The following MACROD2 variants were observed in gnomAD, a reference collection of about 807,000 sequenced individuals.
MACROD2 encodes the protein mono-ADP ribosylhydrolase 2.
In MACROD2, 36 loss-of-function variants were observed where a neutral mutation model predicts 70.4. The ratio of observed to expected loss-of-function variants is 0.51; its 90% CI spans 0.39 to 0.68. MACROD2 has a LOEUF of 0.68. Ranked by LOEUF, MACROD2 falls within the 30% of genes least tolerant of loss-of-function variation. MACROD2 has a pLI of 0.00. For missense variants in MACROD2, 496 were observed against 538.4 expected (o/e 0.92, Z 0.78); for synonymous variants, 172 against 178.8 (o/e 0.96, Z 0.30).
At chr20:15,477,994 G>C (rs1236857673) in intron 7 of MACROD2, among the ~76,000 whole-genome samples, 1 of 152,222 alleles carries the variant, frequency 6.6e-6, no homozygotes, top group Non-Finnish European at 1.5e-5. Context: ...GAAAGCTGGA[G>C]AACACAAGGG....
At chr20:15,055,325 G>A (rs2075475950) in intron 5 of MACROD2, among the ~76,000 whole-genome samples, 1 of 152,134 alleles carries the variant, frequency 6.6e-6, no homozygotes, top group African/African-American at 2.4e-5. Context: ...CAAATCATCA[G>A]GAGTGAGGAT....
intron 8 of MACROD2, among the ~76,000 whole-genome samples, chr20:15,613,079 A>G (rs1052069143): frequency 6.6e-6 from 1 of 152,224 alleles, no homozygotes; most frequent in African/African-American, 2.4e-5. Flanking sequence ...ATCAGGTTAA[A>G]ATGAATATGT....
chr20:14,011,770 C>A (rs1221424223), intron 2 of MACROD2, among the ~76,000 whole-genome samples: 1 of 152,182 alleles, frequency 6.6e-6, no homozygotes, highest in Non-Finnish European at 1.5e-5. Flanking sequence ...ACCTCGTGAT[C>A]TGCCTACCTC....
chr20:15,800,474 G>C (rs774447609), intron 8 of MACROD2, among the ~76,000 whole-genome samples: 2 of 152,262 alleles, frequency 1.3e-5, no homozygotes, highest in Middle Eastern at 6.8e-3. Context: ...AAGAGATAAA[G>C]GTCTAGTTTT....
chr20:14,516,744 C>T (rs2085104472), intron 4 of MACROD2, among the ~76,000 whole-genome samples: 1 of 151,952 alleles, frequency 6.6e-6, no homozygotes, highest in African/African-American at 2.4e-5. Context: ...ATGATGGCTC[C>T]AGCTTTGACA....
chr20:14,207,111 C>T (rs891481401), intron 3 of MACROD2, among the ~76,000 whole-genome samples: 6 of 146,070 alleles, frequency 4.1e-5, no homozygotes, highest in South Asian at 2.2e-4. Context: ...AGAAGGGACA[C>T]TTTTTTTTTT....
intron 3 of MACROD2, among the ~76,000 whole-genome samples, chr20:14,222,488 G>A (rs2081684955): frequency 2.0e-5 from 3 of 152,252 alleles, no homozygotes; most frequent in African/African-American, 7.2e-5. Flanking sequence ...ACTAGGAAGT[G>A]TGAGGGGATG....
chr20:15,768,527 G>A (rs1366828395), intron 8 of MACROD2, among the ~76,000 whole-genome samples: 1 of 152,194 alleles, frequency 6.6e-6, no homozygotes, highest in Non-Finnish European at 1.5e-5. Context: ...TGAGTGGTGA[G>A]TGAATGTGAA....
At chr20:14,833,566 A>T (rs958235733) in intron 5 of MACROD2, among the ~76,000 whole-genome samples, 1 of 152,120 alleles carries the variant, frequency 6.6e-6, no homozygotes, top group African/African-American at 2.4e-5. Context: ...ATAATCCTGA[A>T]GTTTTCAGTT....
chr20:14,122,087 C>T (rs867176305), intron 3 of MACROD2, among the ~76,000 whole-genome samples: 11 of 152,004 alleles, frequency 7.2e-5, no homozygotes, highest in Non-Finnish European at 4.4e-5. Context: ...TAATACAGTC[C>T]TATGTTGTTG....
At chr20:15,126,111 C>CTTTTT (rs5840654) in intron 5 of MACROD2, among the ~76,000 whole-genome samples, 1 of 98,822 alleles carries the variant, frequency 1.0e-5, no homozygotes, top group African/African-American at 4.2e-5. Context: ...ATTGTTTCAA[C>CTTTTT]TTTTTTTTTT....
At chr20:15,403,311 T>G (rs780963661) in intron 6 of MACROD2, among the ~76,000 whole-genome samples, 4 of 151,806 alleles carry the variant, frequency 2.6e-5, no homozygotes, top group Non-Finnish European at 4.4e-5. Flanking sequence ...AAAGGAGAAG[T>G]GGTATTTGTT....
Position 14,455,118 on chromosome 20 carries a change from C to T in MACROD2, c.272-38361C>T, listed in dbSNP as rs572932219. Among the ~76,000 whole-genome samples the T allele has an allele frequency of 5.3e-5, 8 of 151,920 alleles. No homozygotes were observed. In the South Asian group the frequency reaches 6.2e-4, roughly 12 times the overall value. On this transcript the variant is annotated intron_variant, in intron 3 of 17. Coordinates refer to ENST00000684519, the MANE Select transcript of MACROD2 (RefSeq NM_001351661.2). The stretch of plus-strand genomic sequence containing the variant: ...TACAAAACACATACAAATATGACTT[C>T]GCTCTGTACTCCCTCAAGAGGTGTC...
chr20:15,232,489 G>A (rs78652644), intron 6 of MACROD2, among the ~76,000 whole-genome samples: 1,802 of 152,038 alleles, frequency 0.012, 36 homozygotes, highest in African/African-American at 0.041. Flanking sequence ...CACTTATAAA[G>A]AATCAGTAAA....
At chr20:15,879,940 A>G (rs1271048292) in intron 9 of MACROD2, among the ~76,000 whole-genome samples, 1 of 151,946 alleles carries the variant, frequency 6.6e-6, no homozygotes, top group Non-Finnish European at 1.5e-5. Flanking sequence ...GAAGGCAGGA[A>G]AAAAACCCCA....
At chr20:14,297,056 A>G (rs760871226) in intron 3 of MACROD2, among the ~76,000 whole-genome samples, 1 of 151,720 alleles carries the variant, frequency 6.6e-6, no homozygotes, top group South Asian at 2.1e-4. Flanking sequence ...CTTTAATGTT[A>G]CTATTGTAAC....
At chr20:14,564,909 A>G (rs908091070) in intron 4 of MACROD2, among the ~76,000 whole-genome samples, 4 of 152,002 alleles carry the variant, frequency 2.6e-5, no homozygotes, top group Non-Finnish European at 5.9e-5. Flanking sequence ...AGCACCATTC[A>G]CAAAAGCAGA....
chr20:14,863,027 A>G (rs566998074), intron 5 of MACROD2, among the ~76,000 whole-genome samples: 3 of 152,060 alleles, frequency 2.0e-5, no homozygotes, highest in East Asian at 3.9e-4. Flanking sequence ...AAGCCACGCT[A>G]TAGTTTCTAA....
intron 4 of MACROD2, among the ~76,000 whole-genome samples, chr20:14,545,123 A>G (rs571451110): frequency 1.4e-4 from 22 of 152,202 alleles, no homozygotes; most frequent in Admixed American, 3.9e-4. Context: ...GTAGCTGATT[A>G]AATGTAGGGA....
Sources: gnomAD v4.1 joint callset for allele counts (sites outside exome capture counted in the v4.1 genomes callset) on GRCh38, gnomAD v4.1.1 for gene constraint, MANE v1.5 for transcripts, NCBI Gene and HGNC (gene_info 2026-07-23, HGNC 2026-07-21) for gene names.